Variants in EYS observed in about 807,000 individuals in gnomAD.
EYS encodes protein eyes shut homolog.
In EYS, 250 loss-of-function variants were observed where a neutral mutation model predicts 282.1. The ratio of observed to expected loss-of-function variants is 0.89; its 90% CI spans 0.80 to 0.98. The LOEUF is 0.98. EYS is among the 50% of genes least tolerant of loss of function. The pLI, the probability that EYS is intolerant of heterozygous loss-of-function variation, is 0.00. For missense variants in EYS, 4,016 were observed against 3,709.0 expected (o/e 1.08, Z -2.15); for synonymous variants, 1,355 against 1,282.9 (o/e 1.06, Z -1.20).
At chr6:65,403,029 T>A (rs2150364087) in intron 6 of EYS, among the ~76,000 whole-genome samples, 1 of 152,176 alleles carries the variant, frequency 6.6e-6, no homozygotes, top group East Asian at 1.9e-4. Context: ...TGGGCCAAGC[T>A]AACAGCCAAC....
intron 26 of EYS, among the ~76,000 whole-genome samples, chr6:64,528,500 A>G (rs1396168733): frequency 6.6e-6 from 1 of 151,966 alleles, no homozygotes; most frequent in African/African-American, 2.4e-5. Flanking sequence ...TCATATGGTA[A>G]CATTTAACCA....
intron 29 of EYS, among the ~76,000 whole-genome samples, chr6:64,341,440 A>T (rs1771108051): frequency 6.6e-6 from 1 of 151,806 alleles, no homozygotes. Context: ...AATTAATGCT[A>T]GAACCCAAAG....
chr6:64,795,478 A>ATG (rs1774327471), intron 22 of EYS, among the ~76,000 whole-genome samples: 1 of 152,188 alleles, frequency 6.6e-6, no homozygotes, highest in African/African-American at 2.4e-5. Context: ...ATATCATGCC[A>ATG]CATTTTTATG....
chr6:65,412,330 T>C (rs1767054730), intron 5 of EYS, among the ~76,000 whole-genome samples: 1 of 152,138 alleles, frequency 6.6e-6, no homozygotes, highest in Non-Finnish European at 1.5e-5. Flanking sequence ...TAGGCTTCAG[T>C]GTGAAAGTAA....
At chr6:64,356,394 C>T (rs931765634) in intron 29 of EYS, among the ~76,000 whole-genome samples, 2 of 151,652 alleles carry the variant, frequency 1.3e-5, no homozygotes, top group Admixed American at 6.6e-5. Context: ...AAATTAAATG[C>T]TACATTGGTG....
chr6:64,929,209 C>G (rs1046500281), intron 15 of EYS, among the ~76,000 whole-genome samples: 1 of 151,982 alleles, frequency 6.6e-6, no homozygotes, highest in Admixed American at 6.6e-5. Flanking sequence ...AAGAAAACTA[C>G]AAAAATTGAA....
chr6:65,063,763 G>C (rs1029630136), intron 12 of EYS, among the ~76,000 whole-genome samples: 3 of 151,912 alleles, frequency 2.0e-5, no homozygotes, highest in African/African-American at 7.3e-5. Flanking sequence ...ATGGCACAAA[G>C]AGTTATCTAA....
chr6:64,502,468 G>C (rs1047376543), intron 26 of EYS, among the ~76,000 whole-genome samples: 2 of 152,080 alleles, frequency 1.3e-5, no homozygotes, highest in African/African-American at 4.8e-5. Context: ...TGATCCGCCC[G>C]CCTCGGCCTC....
At chr6:65,628,285 T>G (rs1766789685) in intron 2 of EYS, among the ~76,000 whole-genome samples, 2 of 152,292 alleles carry the variant, frequency 1.3e-5, no homozygotes, top group South Asian at 4.1e-4. Flanking sequence ...GTGGAAACTC[T>G]GTATCTAACT....
chr6:65,027,625 T>C (rs1412999673), intron 13 of EYS, among the ~76,000 whole-genome samples: 1 of 152,222 alleles, frequency 6.6e-6, no homozygotes, highest in Non-Finnish European at 1.5e-5. Context: ...TAGCTCTACA[T>C]TTTCCTGAAT....
At chr6:65,472,010 T>C (rs974703703) in intron 5 of EYS, among the ~76,000 whole-genome samples, 1 of 152,142 alleles carries the variant, frequency 6.6e-6, no homozygotes, top group African/African-American at 2.4e-5. Flanking sequence ...ATTGCATTTG[T>C]TCATCTTGCT....
At chr6:65,072,120 A>T (rs565313220) in intron 12 of EYS, among the ~76,000 whole-genome samples, 95 of 152,004 alleles carry the variant, frequency 6.2e-4, no homozygotes, top group African/African-American at 2.2e-3. Flanking sequence ...TGGGATTAAA[A>T]CAGATAAACA....
chr6:63,923,152 A>G (rs1177994955), intron 35 of EYS, among the ~76,000 whole-genome samples: 3 of 152,214 alleles, frequency 2.0e-5, no homozygotes, highest in African/African-American at 4.8e-5. Flanking sequence ...TCTTCTAAGA[A>G]TAGGAAAATA....
At chr6:64,895,534 C>T (rs1302600758) in intron 18 of EYS, among the ~76,000 whole-genome samples, 3 of 152,054 alleles carry the variant, frequency 2.0e-5, no homozygotes, top group East Asian at 3.9e-4. Context: ...GATTAAATAG[C>T]CCTACTAGTA....
intron 9 of EYS, 113 bp downstream of exon 9, chr6:65,353,345 T>C (rs759136199): frequency 1.1e-6 from 1 of 896,772 alleles, no homozygotes; most frequent in Non-Finnish European, 1.7e-6. Context: ...TTATTTTTAG[T>C]TTATATTACG....
intron 41 of EYS, among the ~76,000 whole-genome samples, chr6:63,737,501 T>C (rs1269833772): frequency 6.6e-6 from 1 of 152,222 alleles, no homozygotes; most frequent in Non-Finnish European, 1.5e-5. Flanking sequence ...AGTATTTTAT[T>C]GAGGATTTTT....
intron 28 of EYS, among the ~76,000 whole-genome samples, chr6:64,411,925 G>GTATATATGTTTATATATTCATGCATA (rs1561980315): frequency 6.0e-5 from 7 of 117,314 alleles, no homozygotes; most frequent in Admixed American, 1.7e-4. Context: ...ATGCATGCAT[G>GTATATATGTTTATATATTCATGCATA]TATGTATATA....
At chr6:65,361,198 C>A (rs990964774) in intron 8 of EYS, among the ~76,000 whole-genome samples, 2 of 151,634 alleles carry the variant, frequency 1.3e-5, no homozygotes, top group Admixed American at 6.6e-5. Context: ...ACATCACACA[C>A]CGGGGCCTGT....
intron 12 of EYS, among the ~76,000 whole-genome samples, chr6:65,251,312 A>G (rs1767317039): frequency 1.3e-5 from 2 of 151,744 alleles, no homozygotes; most frequent in Admixed American, 1.3e-4. Context: ...GAAAATACTG[A>G]TGTTTGATCA....
Sources: gnomAD v4.1 joint callset for allele counts (sites outside exome capture counted in the v4.1 genomes callset) on GRCh38, gnomAD v4.1.1 for gene constraint, MANE v1.5 for transcripts, NCBI Gene and HGNC (gene_info 2026-07-23, HGNC 2026-07-21) for gene names.